The following HHAT variants were observed in gnomAD, a reference collection of about 807,000 sequenced individuals.
The protein encoded by HHAT is protein-cysteine N-palmitoyltransferase HHAT.
A neutral mutation model predicts 70.8 loss-of-function variants in HHAT; 47 were observed. The observed-to-expected ratio is 0.66, with a 90% CI of 0.53 to 0.85. HHAT has a LOEUF of 0.85. Among genes scored for constraint, HHAT ranks in the 40% least tolerant of loss-of-function variants. HHAT has a pLI of 0.00. For missense variants in HHAT, 609 were observed against 604.8 expected, an observed-to-expected ratio of 1.01 and a Z score of -0.07; for synonymous variants, 228 against 247.6, an observed-to-expected ratio of 0.92 and a Z score of 0.74.
At chr1:210,576,619 A>T (rs1417734277) in intron 9 of HHAT, among the ~76,000 whole-genome samples, 1 of 152,192 alleles carries the variant, frequency 6.6e-6, no homozygotes, top group Non-Finnish European at 1.5e-5. Context: ...TTACATATGT[A>T]ACAAACCTGC....
intron 11 of HHAT, among the ~76,000 whole-genome samples, chr1:210,657,627 A>G (rs1340956563): frequency 6.6e-6 from 1 of 152,240 alleles, no homozygotes; most frequent in South Asian, 2.1e-4. Context: ...CTGCTCTAGG[A>G]AAAGAACATG....
At chr1:210,649,982 G>A (rs960588162) in intron 11 of HHAT, among the ~76,000 whole-genome samples, 1 of 152,126 alleles carries the variant, frequency 6.6e-6, no homozygotes, top group African/African-American at 2.4e-5. Flanking sequence ...AAAGCTTTTT[G>A]GATTTATAGT....
intron 9 of HHAT, among the ~76,000 whole-genome samples, chr1:210,555,352 C>G (rs2095562723): frequency 6.6e-6 from 1 of 152,194 alleles, no homozygotes; most frequent in Non-Finnish European, 1.5e-5. Flanking sequence ...AACCCCTTCT[C>G]TGCAAGCTGA....
chr1:210,484,210 G>A (rs2094440572), intron 8 of HHAT, among the ~76,000 whole-genome samples: 1 of 152,102 alleles, frequency 6.6e-6, no homozygotes, highest in African/African-American at 2.4e-5. Context: ...GGAGTTCTAG[G>A]ATCTTCTTTA....
chr1:210,601,970 A>AGTGTGTGT (rs10646355), intron 10 of HHAT, among the ~76,000 whole-genome samples: 2,378 of 149,460 alleles, frequency 0.016, 63 homozygotes, highest in African/African-American at 0.048. Flanking sequence ...TGTGTGTGAG[A>AGTGTGTGT]GTGTGTGTGT....
intron 9 of HHAT, among the ~76,000 whole-genome samples, chr1:210,564,194 C>T (rs1465206551): frequency 6.6e-6 from 1 of 151,710 alleles, no homozygotes. Context: ...AACTCCTGAC[C>T]TCAAGTGATC....
chr1:210,539,415 G>A (rs545946946), intron 9 of HHAT, among the ~76,000 whole-genome samples: 2 of 152,358 alleles, frequency 1.3e-5, no homozygotes, highest in Non-Finnish European at 2.9e-5. Context: ...TCTTGACCTG[G>A]AAGGACCTAT....
chr1:210,656,228 T>A (rs1676388532), intron 11 of HHAT, among the ~76,000 whole-genome samples: 1 of 151,260 alleles, frequency 6.6e-6, no homozygotes, highest in South Asian at 2.1e-4. Context: ...TTTATCTTCA[T>A]GTCCCCATGT....
At chr1:210,329,176 T>TAAA in intron 1 of HHAT, 72 bp downstream of exon 1, 1 of 1,106,800 alleles carries the variant, frequency 9.0e-7, no homozygotes. Flanking sequence ...TTTACTCTGT[T>TAAA]AAAAAAAAAA....
chr1:210,533,900 C>G (rs1262165784), intron 9 of HHAT, among the ~76,000 whole-genome samples: 1 of 152,236 alleles, frequency 6.6e-6, no homozygotes. Flanking sequence ...AAAGGCCCGG[C>G]TTGAATGAGT....
chr1:210,535,829 C>A (rs2095366524), intron 9 of HHAT, among the ~76,000 whole-genome samples: 1 of 152,146 alleles, frequency 6.6e-6, no homozygotes, highest in South Asian at 2.1e-4. Flanking sequence ...TGTTCCAAAC[C>A]AAACCCACTA....
chr1:210,348,423 A>T (rs2086706808), intron 1 of HHAT, among the ~76,000 whole-genome samples: 1 of 152,088 alleles, frequency 6.6e-6, no homozygotes, highest in Admixed American at 6.5e-5. Context: ...CTTGAAAGGG[A>T]CAACAAGGAT....
chr1:210,438,977 A>G (rs1359201123), intron 7 of HHAT, among the ~76,000 whole-genome samples: 1 of 151,910 alleles, frequency 6.6e-6, no homozygotes, highest in Non-Finnish European at 1.5e-5. Flanking sequence ...GCCCTTCTCC[A>G]AACATCCCAG....
intron 9 of HHAT, among the ~76,000 whole-genome samples, chr1:210,515,886 GA>G (rs536416502): frequency 2.3e-4 from 35 of 151,604 alleles, no homozygotes; most frequent in Non-Finnish European, 4.1e-4. Context: ...TGGGCAATAT[GA>G]AAAAAAATAG....
At chr1:210,406,179 T>G (rs10489383) in intron 6 of HHAT, among the ~76,000 whole-genome samples, 16,890 of 152,176 alleles carry the variant, frequency 0.11, 1,181 homozygotes, top group East Asian at 0.2. Context: ...TTTTGAATTA[T>G]TCTCAGTTTG....
intron 5 of HHAT, among the ~76,000 whole-genome samples, chr1:210,403,671 T>G (rs1231262392): frequency 3.9e-5 from 6 of 152,248 alleles, no homozygotes; most frequent in African/African-American, 1.4e-4. Context: ...TGACCCAAGT[T>G]CTATTTCTCG....
chr1:210,365,925 T>TA (rs748693133), intron 3 of HHAT, among the ~76,000 whole-genome samples: 2 of 102,778 alleles, frequency 1.9e-5, no homozygotes, highest in African/African-American at 5.0e-5. Flanking sequence ...CACATTTTAT[T>TA]AAAAAAAATT....
chr1:210,472,201 A>G (rs1014999761), intron 8 of HHAT, among the ~76,000 whole-genome samples: 1 of 152,170 alleles, frequency 6.6e-6, no homozygotes, highest in Non-Finnish European at 1.5e-5. Context: ...ATCCTCCCAC[A>G]CGGCTTGTTC....
intron 11 of HHAT, among the ~76,000 whole-genome samples, chr1:210,628,247 G>A (rs546707278): frequency 2.0e-4 from 31 of 152,082 alleles, no homozygotes; most frequent in Non-Finnish European, 4.1e-4. Flanking sequence ...GCCTTATAAT[G>A]TGTGTATGGG....
Sources: allele counts gnomAD v4.1 joint callset (sites outside exome capture counted in the v4.1 genomes callset), GRCh38; gene constraint gnomAD v4.1.1; transcripts MANE v1.5; gene names NCBI Gene and HGNC (gene_info 2026-07-23, HGNC 2026-07-21).